The following IST1 variants were observed in gnomAD, a reference collection of about 807,000 sequenced individuals.
The protein encoded by IST1 is IST1 homolog.
Under a neutral mutation model 37.0 loss-of-function variants are expected in IST1, and 23 were observed. The observed-to-expected ratio is 0.62, with a 90% CI of 0.45 to 0.88. The LOEUF (loss-of-function observed/expected upper bound fraction) is 0.88, where lower values mean the gene tolerates loss of function less well. Ranked by LOEUF, IST1 falls within the 40% of genes least tolerant of loss-of-function variation. The pLI is 0.00. For synonymous variants in IST1, 180 were observed against 161.7 expected (o/e 1.11, Z -0.86); for missense variants, 488 against 445.4 (o/e 1.10, Z -0.86).
In IST1 at chr16:71,929,647, T is replaced by C. The variant is rs1194011255; in HGVS notation, c.*1834T>C. The C allele has an allele frequency of 9.7e-6, 15 of 1,551,782 alleles. No homozygotes were observed. In the South Asian group the frequency reaches 1.4e-4, roughly 15 times the overall value. The stretch of plus-strand genomic sequence containing the variant: ...GATTCCTAACAAATTTGAGAGCTTC[T>C]GTAGCAGTGTATCTATTAGTGCAGC... On this transcript the variant is annotated 3_prime_UTR_variant, in exon 10 of 10. Transcript: ENST00000378799.
At chr16:71,897,039 G>T (rs1012275283) in intron 1 of IST1, among the ~76,000 whole-genome samples, 1 of 151,846 alleles carries the variant, frequency 6.6e-6, no homozygotes, top group African/African-American at 2.4e-5. Flanking sequence ...TTGTTCTGCA[G>T]ACGGGGGTCT....
Position 71,929,605 on chromosome 16 carries a change from G to T in IST1, c.*1792G>T, listed in dbSNP as rs534448059. ...TGTCGTGGCTGCTTGCTCAGATGAGGTTTTTTGGGGCCAACTGATTCCTAA... is the reference window on the plus strand; with the variant it reads ...TGTCGTGGCTGCTTGCTCAGATGAGTTTTTTTGGGGCCAACTGATTCCTAA... On this transcript the variant is annotated 3_prime_UTR_variant, in exon 10 of 10. Transcript: ENST00000378799. The T allele has an allele frequency of 1.3e-4, 199 of 1,551,830 alleles. No individual in the cohort carries two copies. Among genetic ancestry groups the T allele is most frequent in the Middle Eastern group, 6.7e-4 (4 of 5,990 alleles).
intron 1 of IST1, among the ~76,000 whole-genome samples, chr16:71,908,296 CTTT>C (rs59849119): frequency 4.2e-4 from 32 of 76,828 alleles, no homozygotes; most frequent in East Asian, 2.9e-3. Context: ...CTCGTTGTAG[CTTT>C]TTTTTTTTTT....
rs748815907 is a variant in IST1 at position 71,922,511 on chromosome 16, A to T, written c.590A>T (p.Asp197Val). ...CCTGGGGTAGAGACAGATCTTATTG[A>T]TGTTGGATTCACAGATGATGTGAAG... ...APPGVETDLI[D>V]VGFTDDVKKG... Residue 197 changes from aspartate (D) to valine (V), a missense_variant, in exon 7 of 10, where the codon GAT becomes GTT. This residue lies in a region of IST1 where 455 missense variants were observed against 386.2 expected (regional missense o/e 1.18). Transcript: ENST00000378799. The T allele has an allele frequency of 1.4e-5, 23 of 1,613,940 alleles. No homozygotes were observed. Among genetic ancestry groups the T allele is most frequent in the Non-Finnish European group, 1.9e-5 (23 of 1,180,002 alleles).
In IST1 at chr16:71,924,834, A is replaced by C. The variant is rs747477376; in HGVS notation, c.901+17A>C. The C allele has an allele frequency of 3.9e-6, 6 of 1,553,608 alleles. No individual in the cohort carries two copies. The Admixed American group carries it at 6.7e-5, about 17-fold the overall frequency. ...AGATTGTTGGTGAGTAGTATCAATC[A>C]GAAACCTGCAGAGCTCAGTGCTGAA... On this transcript the variant is annotated intron_variant, in intron 9 of 9. Coordinates refer to ENST00000378799, the MANE Select transcript of IST1 (RefSeq NM_001270975.2).
chr16:71,921,281 T>G, intron 5 of IST1, 62 bp from the exon 6 acceptor site: 5 of 951,010 alleles, frequency 5.3e-6, no homozygotes, highest in South Asian at 1.3e-5. Flanking sequence ...CTTCGCATAG[T>G]GAGGTGAGGA....
intron 1 of IST1, among the ~76,000 whole-genome samples, chr16:71,909,771 T>C (rs1208961679): frequency 6.6e-6 from 1 of 152,222 alleles, no homozygotes; most frequent in Non-Finnish European, 1.5e-5. Context: ...TATCCTTCTC[T>C]TAGAAATGTC....
At chr16:71,914,062 C>T (rs1567467552) in intron 1 of IST1, among the ~76,000 whole-genome samples, 1 of 152,136 alleles carries the variant, frequency 6.6e-6, no homozygotes, top group South Asian at 2.1e-4. Flanking sequence ...CCCACCTAGG[C>T]CTCCCAAAGT....
chr16:71,920,888 A>G, intron 5 of IST1, 66 bp downstream of exon 5: 1 of 1,097,412 alleles, frequency 9.1e-7, no homozygotes, highest in Non-Finnish European at 1.4e-6. Context: ...TGCTTGTGGC[A>G]ATTCTAGTGG....
chr16:71,915,838 T>G (rs1295781900), intron 2 of IST1, 110 bp downstream of exon 2: 1 of 653,110 alleles, frequency 1.5e-6, no homozygotes, highest in East Asian at 2.9e-5. Context: ...TTTTTTTTTG[T>G]TGTTTTTGTT....
intron 1 of IST1, among the ~76,000 whole-genome samples, chr16:71,899,072 G>C (rs908254117): frequency 6.6e-6 from 1 of 151,758 alleles, no homozygotes; most frequent in Admixed American, 6.6e-5. Flanking sequence ...CTTTCTTTAT[G>C]CCTGTGCATT....
intron 1 of IST1, among the ~76,000 whole-genome samples, chr16:71,908,836 C>T (rs930507524): frequency 2.0e-5 from 3 of 152,258 alleles, no homozygotes; most frequent in South Asian, 2.1e-4. Flanking sequence ...ATGATAAACT[C>T]GCCGCCAGTT....
At chr16:71,926,639 C>T (rs2037750665) in intron 9 of IST1, among the ~76,000 whole-genome samples, 1 of 152,134 alleles carries the variant, frequency 6.6e-6, no homozygotes, top group African/African-American at 2.4e-5. Flanking sequence ...AGCCACCACG[C>T]CCGGCAAACC....
At chr16:71,908,188 C>T (rs987195496) in intron 1 of IST1, among the ~76,000 whole-genome samples, 3 of 151,990 alleles carry the variant, frequency 2.0e-5, no homozygotes, top group Non-Finnish European at 4.4e-5. Context: ...ACGATCCACC[C>T]GCCTCTGCCT....
At chr16:71,924,927 G>T in intron 9 of IST1, 110 bp downstream of exon 9, 1 of 749,672 alleles carries the variant, frequency 1.3e-6, no homozygotes. Context: ...ACTTCTATCT[G>T]CATGCCCTGT....
At chr16:71,920,998 A>T (rs146317229) in intron 5 of IST1, 176 bp downstream of exon 5, 2 of 655,234 alleles carry the variant, frequency 3.1e-6, no homozygotes, top group Non-Finnish European at 5.6e-6. Context: ...CACCTGCCCA[A>T]TTCCTCTGGT....
At chr16:71,917,674 A>C (rs907927227) in intron 4 of IST1, among the ~76,000 whole-genome samples, 14 of 152,164 alleles carry the variant, frequency 9.2e-5, no homozygotes, top group African/African-American at 3.1e-4. Context: ...GTTGTTTTCT[A>C]TTTTCTACAT....
intron 4 of IST1, among the ~76,000 whole-genome samples, chr16:71,920,474 A>G (rs964059093): frequency 1.3e-5 from 2 of 152,268 alleles, no homozygotes; most frequent in African/African-American, 2.4e-5. Flanking sequence ...GTAAGACTCT[A>G]TAAGAGTAAG....
Position 71,926,638 on chromosome 16 carries a change from G to T in IST1, c.902-976G>T, listed in dbSNP as rs532625139. Among the ~76,000 whole-genome samples, 55 of 152,130 alleles carry T rather than the reference G, an allele frequency of 3.6e-4. 1 individual carries two copies. In the South Asian group the frequency reaches 0.011, roughly 30 times the overall value. On this transcript the variant is annotated intron_variant, in intron 9 of 9. Transcript: ENST00000378799. ...TGGGATTACAGGCGTGAGCCACCAC[G>T]CCCGGCAAACCCATACATTTTAAGT...
Sources: allele counts gnomAD v4.1 joint callset (sites outside exome capture counted in the v4.1 genomes callset), GRCh38; gene constraint gnomAD v4.1.1; regional missense constraint gnomAD v4.1.1; transcripts MANE v1.5; gene names NCBI Gene and HGNC (gene_info 2026-07-23, HGNC 2026-07-21).